The following ABCC11 variants were observed in gnomAD, a reference collection of about 807,000 sequenced individuals.
ABCC11 encodes ATP binding cassette subfamily C member 11, also known as ATP-binding cassette sub-family C member 11.
In ABCC11, 135 loss-of-function variants were observed where a neutral mutation model predicts 149.3. The observed-to-expected ratio is 0.90, with a 90% CI of 0.79 to 1.04. ABCC11 has a LOEUF of 1.04. Ranked by LOEUF, ABCC11 falls within the 50% of genes least tolerant of loss-of-function variation. The probability of loss-of-function intolerance (pLI) is 0.00; values close to 1 mark genes in which losing one functional copy is unlikely to be tolerated. For missense variants in ABCC11, 1,680 were observed against 1,722.1 expected, an observed-to-expected ratio of 0.98 and a Z score of 0.43; for synonymous variants, 665 against 671.4, an observed-to-expected ratio of 0.99 and a Z score of 0.15.
chr16:48,181,547 C>G (rs1477515007), intron 23 of ABCC11, among the ~76,000 whole-genome samples: 1 of 152,066 alleles, frequency 6.6e-6, no homozygotes, highest in East Asian at 1.9e-4. Flanking sequence ...ACCAATTTAC[C>G]CAAAGCCACA....
At chr16:48,223,471 G>A (rs996278277) in intron 5 of ABCC11, 9 of 153,638 alleles carry the variant, frequency 5.9e-5, no homozygotes, top group Non-Finnish European at 1.0e-4. Flanking sequence ...AAATGATGGA[G>A]AGTGGATCTA....
Position 48,198,246 on chromosome 16 carries a change from CA to C in ABCC11, c.2111del (p.Leu704CysfsTer16). On this transcript the variant is annotated frameshift_variant, in exon 16 of 30. Transcript: ENST00000356608. LOFTEE classifies it high-confidence loss of function. Reference sequence around the variant, plus strand: ...TTTCACAGATTTTCCCATTTTCCAACAAAATGATCTGGCCACAAAATTCTAA... The same window carrying C: ...TTTCACAGATTTTCCCATTTTCCAACAAATGATCTGGCCACAAAATTCTAA... ...QYLEFCGQIILLENGKICENG... is the reference protein window; with the variant it reads ...QYLEFCGQIIXLENGKICENG... 6.2e-7 allele frequency: 1 copy of C among 1,614,150 alleles called. No homozygotes were observed. The highest frequency in any genetic ancestry group is 1.6e-4 in the Middle Eastern group (1 of 6,062).
chr16:48,208,210 G>T (rs1466312541), intron 12 of ABCC11, among the ~76,000 whole-genome samples: 1 of 152,162 alleles, frequency 6.6e-6, no homozygotes, highest in Non-Finnish European at 1.5e-5. Context: ...GAGGCAGCTT[G>T]CACCAGGAGC....
At position 48,198,018 on chromosome 16, in the gene ABCC11, C is replaced by T; in HGVS notation, c.2267G>A (p.Ser756Asn). Residue 756 changes from serine (S) to asparagine (N), a missense_variant, in exon 17 of 30, where the codon AGT becomes AAT. Physicochemically the swap from Ser to Asn is conservative, Grantham distance 46 (BLOSUM62 1). Coordinates refer to ENST00000356608, the MANE Select transcript of ABCC11 (RefSeq NM_001370497.1). Reference protein sequence around the residue: ...AKIAEKPKVESQALATSLEES... With the variant: ...AKIAEKPKVENQALATSLEES... ...TTCCAGGGAGGTGGCCAGAGCCTGA[C>T]TTTCTACCTTTGGCTTCTCTGCTAT... is the stretch of plus-strand genomic sequence containing the variant. 6.2e-7 allele frequency: 1 copy of T among 1,614,210 alleles called. No individual in the cohort carries two copies.
At chr16:48,203,448 T>C in intron 13 of ABCC11, 148 bp from the exon 14 acceptor site, 1 of 593,016 alleles carries the variant, frequency 1.7e-6, no homozygotes, top group East Asian at 3.0e-5. Flanking sequence ...GCTTTTTTCA[T>C]TTCCTTCCCT....
rs756893355 is a variant in ABCC11 at position 48,177,147 on chromosome 16, T to A, written c.3349-34A>T. The A allele has an allele frequency of 2.2e-5, 35 of 1,594,514 alleles. No homozygotes were observed. The Admixed American group carries it at 3.4e-4, about 15-fold the overall frequency. ...TGAAGAAAGAAAAAGAAATCAATAG[T>A]TATCATCTATCTCGGCCCATCCCCT... On this transcript the variant is annotated intron_variant, in intron 24 of 29. Transcript: ENST00000356608.
intron 1 of ABCC11, among the ~76,000 whole-genome samples, chr16:48,236,201 A>C (rs1040903295): frequency 4.6e-5 from 7 of 152,186 alleles, no homozygotes; most frequent in Admixed American, 3.9e-4. Context: ...CCCACATCTC[A>C]GTACCTGGCC....
intron 20 of ABCC11, among the ~76,000 whole-genome samples, chr16:48,191,085 A>G (rs913334441): frequency 1.3e-5 from 2 of 152,374 alleles, no homozygotes; most frequent in Admixed American, 1.3e-4. Context: ...CCATGGATAC[A>G]TGTCATTATA....
intron 1 of ABCC11, among the ~76,000 whole-genome samples, chr16:48,232,970 C>T (rs373589161): frequency 3.3e-5 from 5 of 152,168 alleles, no homozygotes; most frequent in East Asian, 1.9e-4. Flanking sequence ...GAGGCTGAGG[C>T]GGGAGGACTG....
rs1183625227 is a variant in ABCC11 at position 48,247,394 on chromosome 16, C to A, written c.-99G>T. 2.0e-5 allele frequency: 3 copies of A among 149,976 alleles called. No homozygotes were observed. Among genetic ancestry groups the A allele is most frequent in the Admixed American group, 6.6e-5 (1 of 15,072 alleles). 9.3% of individuals were successfully genotyped at this position (149,976 alleles called of 1,614,324 possible). A position where few individuals can be genotyped will look rare whatever the true frequency, so the allele number is the denominator to read the frequency against. On this transcript the variant is annotated 5_prime_UTR_variant, in exon 1 of 30. Coordinates refer to ENST00000356608, the MANE Select transcript of ABCC11 (RefSeq NM_001370497.1). Reference sequence around the variant, plus strand: ...TGTTTCCTTTGCGCTATCCAGGTGACGCTGGCACAGCCTTCAAAGAGCAGC... The same window carrying A: ...TGTTTCCTTTGCGCTATCCAGGTGAAGCTGGCACAGCCTTCAAAGAGCAGC...
chr16:48,216,181 G>A lies in ABCC11; in HGVS notation c.884C>T (p.Ser295Phe). 1.2e-6 allele frequency: 2 copies of A among 1,614,176 alleles called. No homozygotes were observed. Among genetic ancestry groups the A allele is most frequent in the Non-Finnish European group, 1.7e-6 (2 of 1,180,030 alleles). The change falls in exon 7 of 30, where the codon TCC (serine) becomes TTC (phenylalanine). Residue 295 changes from serine (S) to phenylalanine (F), a missense_variant. Transcript: ENST00000356608. ...TGCAGTGTATCCAATAATGAAGTAGGAAGAAATGCTGCAGATGACCAGCGA... is the reference window on the plus strand; with the variant it reads ...TGCAGTGTATCCAATAATGAAGTAGAAAGAAATGCTGCAGATGACCAGCGA... ...CASLVICSIS[S>F]YFIIGYTAFI...
chr16:48,208,167 G>C (rs2150848445), intron 12 of ABCC11, among the ~76,000 whole-genome samples: 1 of 152,238 alleles, frequency 6.6e-6, no homozygotes, highest in African/African-American at 2.4e-5. Flanking sequence ...TCCTCACAGA[G>C]CACAGGTGAG....
At chr16:48,165,422 G>A (rs16945914), downstream of ABCC11, among the ~76,000 whole-genome samples, 3,909 of 152,316 alleles carry the variant, frequency 0.026, 159 homozygotes, top group African/African-American at 0.089. Context: ...CTCCTGTTCC[G>A]TCCAAGGATT....
intron 11 of ABCC11, 135 bp from the exon 12 acceptor site, chr16:48,208,631 T>G (rs981394067): frequency 2.1e-5 from 19 of 897,626 alleles, no homozygotes; most frequent in Middle Eastern, 2.2e-4. Flanking sequence ...CCAAGACTCC[T>G]CAGACAGGCA....
chr16:48,197,668 T>C (rs892396146), intron 17 of ABCC11, among the ~76,000 whole-genome samples: 1 of 152,218 alleles, frequency 6.6e-6, no homozygotes, highest in Non-Finnish European at 1.5e-5. Flanking sequence ...AATGTCTAGA[T>C]GCCTGGTCAA....
Position 48,178,755 on chromosome 16 carries a change from G to A in ABCC11, c.3259-69C>T. The A allele has an allele frequency of 2.3e-6, 3 of 1,324,350 alleles. No individual in the cohort carries two copies. In the South Asian group the frequency reaches 3.6e-5, roughly 16 times the overall value. 82.0% of individuals were successfully genotyped at this position (1,324,350 alleles called of 1,614,324 possible). ...TGTGCTCAGGCTCTTCAACGCTCCT[G>A]ATAACCACTGATTGCCATTGCCCCT... On this transcript the variant is annotated intron_variant, in intron 23 of 29. Transcript: ENST00000356608.
At chr16:48,183,119 A>T (rs1174001022) in intron 23 of ABCC11, among the ~76,000 whole-genome samples, 1 of 152,246 alleles carries the variant, frequency 6.6e-6, no homozygotes, top group African/African-American at 2.4e-5. Context: ...AATAAAAGAC[A>T]GGTGTGTGCA....
chr16:48,222,607 G>T lies in ABCC11; in HGVS notation c.768C>A (p.Thr256=). 3 of 1,613,930 alleles carry T rather than the reference G, an allele frequency of 1.9e-6. No individual in the cohort carries two copies. The highest frequency in any genetic ancestry group is 2.5e-6 in the Non-Finnish European group (3 of 1,179,792). Residue 256 remains threonine, a synonymous_variant, in exon 6 of 30, where the codon ACC becomes ACA. Transcript: ENST00000356608. ...AGTCCCAGCTGCTTACCTCTCCTGA[G>T]GTGATGTGTATTACAGACTTAAATT... The part of the protein sequence containing the change: ...LIQFKSVIHI[T]SGEAISFFTG...
At position 48,222,612 on chromosome 16, in the gene ABCC11, T is replaced by G. The variant is rs770259831; in HGVS notation, c.763A>C (p.Ile255Leu). 1.1e-5 allele frequency: 17 copies of G among 1,613,956 alleles called. No individual in the cohort carries two copies. The highest frequency in any genetic ancestry group is 1.4e-5 in the Non-Finnish European group (16 of 1,179,910). The change falls in exon 6 of 30, where the codon ATC (isoleucine) becomes CTC (leucine). Residue 255 changes from isoleucine (I) to leucine (L), a missense_variant. By Grantham distance (5) the Ile-to-Leu change is conservative. Coordinates refer to ENST00000356608, the MANE Select transcript of ABCC11 (RefSeq NM_001370497.1). ...CAGCTGCTTACCTCTCCTGAGGTGA[T>G]GTGTATTACAGACTTAAATTGGATG... ...KLIQFKSVIH[I>L]TSGEAISFFT...
Sources: allele counts gnomAD v4.1 joint callset (sites outside exome capture counted in the v4.1 genomes callset), GRCh38; gene constraint gnomAD v4.1.1; transcripts MANE v1.5; gene names NCBI Gene and HGNC (gene_info 2026-07-23, HGNC 2026-07-21).